ALMS1: variants seen among roughly 807,000 people sequenced by gnomAD.
ALMS1 encodes the protein ALMS1 centrosome and basal body associated protein.
ALMS1 carries 271 observed loss-of-function variants against 352.2 expected under a neutral mutation model. The observed-to-expected ratio is 0.77, with a 90% CI of 0.70 to 0.85. ALMS1 has a LOEUF of 0.85. Ranked by LOEUF, ALMS1 falls within the 40% of genes least tolerant of loss-of-function variation. ALMS1 has a pLI of 0.00. For synonymous variants in ALMS1, 1,865 were observed against 1,761.2 expected (o/e 1.06, Z -1.48); for missense variants, 5,445 against 4,870.7 (o/e 1.12, Z -3.51).
chr2:73,452,720 A>G lies in ALMS1; in HGVS notation c.6193A>G (p.Arg2065Gly). ...TTTATTTCAACAGCAGTTGCCAGAT[A>G]GAGATCAAAGTAAAGGTATTCTAAA... ...NILFQQQLPD[R>G]DQSKGILKIS... is the part of the protein sequence containing the mutation. The change falls in exon 8 of 23, where the codon AGA becomes GGA. Residue 2065 changes from arginine to glycine, a missense_variant. Transcript: ENST00000613296. 6.2e-7 allele frequency: 1 copy of G among 1,613,614 alleles called. No individual in the cohort carries two copies. Among genetic ancestry groups the G allele is most frequent in the East Asian group, 2.2e-5 (1 of 44,874 alleles).
intron 10 of ALMS1, among the ~76,000 whole-genome samples, chr2:73,513,775 T>C (rs1254232476): frequency 2.0e-5 from 3 of 152,096 alleles, no homozygotes; most frequent in African/African-American, 7.2e-5. Context: ...ATTTGGTGCT[T>C]TTATTGCACA....
rs372692493 is a variant in ALMS1, at chr2:73,451,399, C to T, written c.4872C>T (p.Pro1624=). The change falls in exon 8 of 23, where the codon CCC becomes CCT. Residue 1624 remains proline, a synonymous_variant. Transcript: ENST00000613296. ...PLGSSALGEK[P]ITFYRQALLD... ...GTTCCAGTGCACTTGGAGAGAAGCC[C>T]ATTACTTTCTACCGGCAGGCTCTGC... The T allele has an allele frequency of 2.5e-6, 4 of 1,613,428 alleles. No individual in the cohort carries two copies. The African/African-American group carries it at 5.4e-5, about 22-fold the overall frequency.
chr2:73,473,025 A>G (rs1672499743), intron 9 of ALMS1, among the ~76,000 whole-genome samples: 1 of 152,080 alleles, frequency 6.6e-6, no homozygotes, highest in South Asian at 2.1e-4. Flanking sequence ...GGGGTGGTAT[A>G]AGGACTTTTA....
intron 10 of ALMS1, among the ~76,000 whole-genome samples, chr2:73,503,213 G>A (rs1180093893): frequency 2.0e-5 from 3 of 151,746 alleles, no homozygotes; most frequent in Non-Finnish European, 2.9e-5. Flanking sequence ...TCGTCATTTA[G>A]CATTAGGTAT....
intron 16 of ALMS1, among the ~76,000 whole-genome samples, chr2:73,592,581 A>G (rs529315717): frequency 4.9e-4 from 74 of 152,286 alleles, no homozygotes; most frequent in Non-Finnish European, 6.8e-4. Context: ...CCATGCCTCT[A>G]AAGGAAAAGC....
chr2:73,441,726 G>A (rs1177884027), intron 7 of ALMS1, among the ~76,000 whole-genome samples: 1 of 152,004 alleles, frequency 6.6e-6, no homozygotes, highest in African/African-American at 2.4e-5. Flanking sequence ...TTGCCATGTT[G>A]TTCTCCAGTC....
chr2:73,411,191 A>G (rs1671069497), intron 2 of ALMS1, among the ~76,000 whole-genome samples: 1 of 151,886 alleles, frequency 6.6e-6, no homozygotes, highest in Non-Finnish European at 1.5e-5. Context: ...GGAAAGCACC[A>G]TGTGAGGAGA....
chr2:73,406,825 C>T lies in ALMS1; in HGVS notation c.325-1797C>T, dbSNP rs1397793779. On this transcript the variant is annotated intron_variant, in intron 1 of 22. Coordinates refer to ENST00000613296, the MANE Select transcript of ALMS1 (RefSeq NM_001378454.1). ...ATTTTTAGCAGAGATGGGGTTTCGC[C>T]ATTGTTGGCCAGGCTGGTCTCAAAC... Among the ~76,000 whole-genome samples, 4 of 152,142 alleles carry T rather than the reference C, an allele frequency of 2.6e-5. No homozygotes were observed. In the East Asian group the frequency reaches 7.7e-4, roughly 29 times the overall value.
intron 21 of ALMS1, among the ~76,000 whole-genome samples, chr2:73,607,853 G>A (rs1345565706): frequency 2.0e-5 from 3 of 148,534 alleles, no homozygotes; most frequent in African/African-American, 5.0e-5. Flanking sequence ...TAGTAGAGAC[G>A]GGCTTTCACC....
chr2:73,576,228 G>T (rs1048541461), intron 16 of ALMS1, among the ~76,000 whole-genome samples: 8 of 152,160 alleles, frequency 5.3e-5, no homozygotes, highest in African/African-American at 1.7e-4. Context: ...TTTAAAATGA[G>T]TTTTGAAAGC....
intron 1 of ALMS1, among the ~76,000 whole-genome samples, chr2:73,390,404 A>G (rs1257434918): frequency 6.6e-6 from 1 of 152,228 alleles, no homozygotes; most frequent in Non-Finnish European, 1.5e-5. Flanking sequence ...TTAAATGACA[A>G]AATTGTGTTA....
intron 1 of ALMS1, among the ~76,000 whole-genome samples, chr2:73,397,053 A>G (rs1035445149): frequency 2.6e-5 from 4 of 152,130 alleles, no homozygotes; most frequent in African/African-American, 9.7e-5. Context: ...ACTGGGGGGT[A>G]GGTATTTTTC....
intron 10 of ALMS1, among the ~76,000 whole-genome samples, chr2:73,512,719 C>G (rs1027920729): frequency 1.3e-5 from 2 of 151,994 alleles, no homozygotes; most frequent in African/African-American, 4.8e-5. Flanking sequence ...ATTTGGTGGC[C>G]GGTGGCAGCC....
At chr2:73,578,631 C>A (rs1675103970) in intron 16 of ALMS1, among the ~76,000 whole-genome samples, 1 of 152,032 alleles carries the variant, frequency 6.6e-6, no homozygotes, top group African/African-American at 2.4e-5. Flanking sequence ...AATATACAAA[C>A]ACTGTTGTTA....
chr2:73,386,306 C>A, intron 1 of ALMS1, 114 bp downstream of exon 1: 1 of 1,376,296 alleles, frequency 7.3e-7, no homozygotes, highest in Non-Finnish European at 9.5e-7. Flanking sequence ...ACGCGCGCAG[C>A]TGAGGCTAGT....
Position 73,602,274 on chromosome 2 carries a change from G to A in ALMS1, c.12204G>A (p.Leu4068=). ...RLKLIVQERK[L]QSMLQTERDA... The stretch of plus-strand genomic sequence containing the variant: ...AGTTAATAGTCCAGGAGAGGAAGCT[G>A]CAGAGCATGTTACAGACCGAGCGGG... Residue 4068 remains leucine (L), a synonymous_variant, in exon 20 of 23, where the codon CTG becomes CTA. Transcript: ENST00000613296. 1 of 1,614,222 alleles carries A rather than the reference G, an allele frequency of 6.2e-7. No individual in the cohort carries two copies. Among genetic ancestry groups the A allele is most frequent in the Admixed American group, 1.7e-5 (1 of 60,028 alleles).
At position 73,608,582 on chromosome 2, in the gene ALMS1, GGTCCTCT is replaced by G. The variant is rs1374364094; in HGVS notation, c.12462+12_12462+18del. ...GCCCAGCTATATAAAAAGGTCAGTG[GGTCCTCT>G]GTCTAGAGTGGGATGGATCAGGTTT... On this transcript the variant is annotated intron_variant, in intron 22 of 22. Coordinates refer to ENST00000613296, the MANE Select transcript of ALMS1 (RefSeq NM_001378454.1). 3 of 1,605,810 alleles carry G rather than the reference GGTCCTCT, an allele frequency of 1.9e-6. No individual in the cohort carries two copies. The highest frequency in any genetic ancestry group is 1.7e-5 in the Admixed American group (1 of 59,988).
At chr2:73,530,307 G>C (rs1673882047) in intron 11 of ALMS1, among the ~76,000 whole-genome samples, 1 of 152,228 alleles carries the variant, frequency 6.6e-6, no homozygotes, top group Non-Finnish European at 1.5e-5. Context: ...TTCCAAACGG[G>C]AGAAGCTGGC....
chr2:73,511,195 C>T (rs1673444531), intron 10 of ALMS1, among the ~76,000 whole-genome samples: 3 of 151,838 alleles, frequency 2.0e-5, no homozygotes, highest in South Asian at 4.1e-4. Context: ...GAGGAGTGAA[C>T]GGTTCTGTCT....
Sources: gnomAD v4.1 joint callset for allele counts (sites outside exome capture counted in the v4.1 genomes callset) on GRCh38, gnomAD v4.1.1 for gene constraint, MANE v1.5 for transcripts, NCBI Gene and HGNC (gene_info 2026-07-23, HGNC 2026-07-21) for gene names.